The following DNAJC13 variants were observed in gnomAD, a reference collection of about 807,000 sequenced individuals.
DNAJC13 encodes DnaJ heat shock protein family (Hsp40) member C13.
DNAJC13 carries 75 observed loss-of-function variants against 290.5 expected under a neutral mutation model. The ratio of observed to expected loss-of-function variants is 0.26; its 90% CI spans 0.21 to 0.31. DNAJC13 has a LOEUF of 0.31. DNAJC13 is among the 10% of genes least tolerant of loss of function. The pLI, the probability that DNAJC13 is intolerant of heterozygous loss-of-function variation, is 1.00. For synonymous variants in DNAJC13, 862 were observed against 892.0 expected, an observed-to-expected ratio of 0.97 and a Z score of 0.60; for missense variants, 2,260 against 2,674.5, an observed-to-expected ratio of 0.85 and a Z score of 3.42.
intron 32 of DNAJC13, 70 bp from the exon 33 acceptor site, chr3:132,492,344 A>C: frequency 6.9e-7 from 1 of 1,453,176 alleles, no homozygotes; most frequent in Non-Finnish European, 9.6e-7. Context: ...ATCTTACATG[A>C]TTATGTATCT....
intron 1 of DNAJC13, among the ~76,000 whole-genome samples, chr3:132,424,128 C>T (rs1939032574): frequency 1.3e-5 from 2 of 152,004 alleles, no homozygotes. Flanking sequence ...TGTAAATGAT[C>T]AATAGCAATG....
At chr3:132,459,147 T>C (rs1933711946) in intron 13 of DNAJC13, among the ~76,000 whole-genome samples, 1 of 152,214 alleles carries the variant, frequency 6.6e-6, no homozygotes, top group South Asian at 2.1e-4. Flanking sequence ...AAGTAACTTG[T>C]TCAAGGTCAT....
At chr3:132,424,674 T>C (rs933760475) in intron 1 of DNAJC13, among the ~76,000 whole-genome samples, 21 of 152,262 alleles carry the variant, frequency 1.4e-4, no homozygotes, top group African/African-American at 4.3e-4. Context: ...TTTGAAGATA[T>C]GATTATCAGA....
chr3:132,531,838 G>T (rs1936425480), intron 55 of DNAJC13, among the ~76,000 whole-genome samples: 1 of 151,838 alleles, frequency 6.6e-6, no homozygotes, highest in South Asian at 2.1e-4. Flanking sequence ...CCAGTGATTT[G>T]TTTATGGTTT....
chr3:132,483,535 T>C lies in DNAJC13; in HGVS notation c.3140T>C (p.Ile1047Thr), dbSNP rs759083413. 3.1e-6 allele frequency: 5 copies of C among 1,614,132 alleles called. No individual in the cohort carries two copies. In the African/African-American group the frequency reaches 4.0e-5, roughly 13 times the overall value. ...VLNETDLATL[I>T]LNMLITMCGY... ...AATGAAACTGACCTTGCTACCCTTA[T>C]ATTGAACATGTTGATCACAATGTGT... The change falls in exon 28 of 56, where the codon ATA becomes ACA. Residue 1047 changes from isoleucine (I) to threonine (T), a missense_variant. Physicochemically the swap from Ile to Thr is moderately conservative, Grantham distance 89. This residue lies in a region of DNAJC13 where 1,494 missense variants were observed against 1,693.7 expected (regional missense o/e 0.88). Coordinates refer to ENST00000260818, the MANE Select transcript of DNAJC13 (RefSeq NM_015268.4).
rs1454005675 is a variant in DNAJC13 at position 132,488,917 on chromosome 3, A to C, written c.3423-59A>C. On this transcript the variant is annotated intron_variant, in intron 30 of 55. Coordinates refer to ENST00000260818, the MANE Select transcript of DNAJC13 (RefSeq NM_015268.4). Reference sequence around the variant, plus strand: ...TAAAAGATCTAGTCTTTAGAAAACTAAGGTTACAAAAACTAAATCGGTTTC... The same window carrying C: ...TAAAAGATCTAGTCTTTAGAAAACTCAGGTTACAAAAACTAAATCGGTTTC... 1.5e-6 allele frequency: 2 copies of C among 1,330,042 alleles called. 1 individual carries two copies. The highest frequency in any genetic ancestry group is 2.9e-5 in the African/African-American group (2 of 68,712). The allele number at this position is 1,330,042 out of a possible 1,614,324, so 82.4% of individuals were successfully genotyped here. A position where few individuals can be genotyped will look rare whatever the true frequency, so the allele number is the denominator to read the frequency against.
intron 32 of DNAJC13, among the ~76,000 whole-genome samples, chr3:132,491,512 A>G (rs1481092252): frequency 6.6e-6 from 1 of 152,086 alleles, no homozygotes; most frequent in African/African-American, 2.4e-5. Context: ...CTCCCTTACC[A>G]ACACCTTTTG....
At chr3:132,447,782 G>A (rs566836652) in intron 4 of DNAJC13, 116 bp from the exon 5 acceptor site, 15 of 805,194 alleles carry the variant, frequency 1.9e-5, no homozygotes, top group South Asian at 9.6e-5. Context: ...TTGAATAACA[G>A]TTTTTAGTGT....
intron 2 of DNAJC13, among the ~76,000 whole-genome samples, chr3:132,441,799 T>C (rs1933078027): frequency 6.6e-6 from 1 of 152,182 alleles, no homozygotes; most frequent in African/African-American, 2.4e-5. Context: ...GAGTCAGAAA[T>C]TAACTTTGAG....
At chr3:132,514,424 G>T in intron 45 of DNAJC13, 147 bp from the exon 46 acceptor site, 1 of 570,288 alleles carries the variant, frequency 1.8e-6, no homozygotes. Flanking sequence ...ATTAATAAAG[G>T]CAATCTTTTA....
chr3:132,512,556 T>C (rs1432479189), intron 44 of DNAJC13, among the ~76,000 whole-genome samples: 1 of 152,206 alleles, frequency 6.6e-6, no homozygotes, highest in Admixed American at 6.6e-5. Context: ...AGGAGTGCTT[T>C]GTATATTCAT....
chr3:132,525,891 A>G, intron 52 of DNAJC13, 102 bp downstream of exon 52: 1 of 1,369,496 alleles, frequency 7.3e-7, no homozygotes, highest in Non-Finnish European at 9.8e-7. Context: ...CCTTTCTGCC[A>G]TGTGTCTTTT....
intron 1 of DNAJC13, among the ~76,000 whole-genome samples, chr3:132,433,011 C>A (rs1264594351): frequency 6.6e-6 from 1 of 152,052 alleles, no homozygotes. Flanking sequence ...TACCATATAG[C>A]CTTAAAAATA....
intron 55 of DNAJC13, among the ~76,000 whole-genome samples, chr3:132,535,607 G>A (rs1412412061): frequency 1.3e-5 from 2 of 152,232 alleles, no homozygotes; most frequent in African/African-American, 4.8e-5. Flanking sequence ...AAAAGGAACA[G>A]AGGCCAGGGT....
chr3:132,518,356 A>T (rs1236807282), intron 48 of DNAJC13, among the ~76,000 whole-genome samples: 2 of 152,004 alleles, frequency 1.3e-5, no homozygotes, highest in Non-Finnish European at 2.9e-5. Context: ...GGGTCGGTAA[A>T]TTTTTTTGTT....
chr3:132,433,530 G>C (rs867401246), intron 1 of DNAJC13, among the ~76,000 whole-genome samples: 1 of 152,160 alleles, frequency 6.6e-6, no homozygotes, highest in African/African-American at 2.4e-5. Flanking sequence ...TCCCACCTCA[G>C]CCTCAGAATG....
At chr3:132,471,766 G>T (rs1934272336) in intron 20 of DNAJC13, among the ~76,000 whole-genome samples, 1 of 139,984 alleles carries the variant, frequency 7.1e-6, no homozygotes, top group Admixed American at 7.2e-5. Context: ...TCCAGACTGG[G>T]CAGCCAGGCA....
At chr3:132,484,707 G>T (rs1270495800) in intron 29 of DNAJC13, 35 bp downstream of exon 29, 2 of 1,546,014 alleles carry the variant, frequency 1.3e-6, no homozygotes, top group African/African-American at 2.7e-5. Flanking sequence ...GCAATTTTAA[G>T]AATCATTTTC....
At chr3:132,534,166 G>A (rs1167291016) in intron 55 of DNAJC13, among the ~76,000 whole-genome samples, 1 of 152,142 alleles carries the variant, frequency 6.6e-6, no homozygotes, top group Non-Finnish European at 1.5e-5. Context: ...CCAGGAAGGG[G>A]CATGGAGATA....
Sources: allele counts gnomAD v4.1 joint callset (sites outside exome capture counted in the v4.1 genomes callset), GRCh38; gene constraint gnomAD v4.1.1; regional missense constraint gnomAD v4.1.1; transcripts MANE v1.5; gene names NCBI Gene and HGNC (gene_info 2026-07-23, HGNC 2026-07-21).